Variants in EDA observed in about 807,000 individuals in gnomAD.
The protein encoded by EDA is ectodysplasin-A.
EDA carries 2 observed loss-of-function variants against 23.6 expected under a neutral mutation model. The observed-to-expected ratio is 0.08, with a 90% confidence interval of 0.03 to 0.27. The LOEUF is 0.27. Ranked by LOEUF, EDA falls within the 10% of genes least tolerant of loss-of-function variation. EDA has a pLI of 1.00. For missense variants in EDA, 229 were observed against 324.2 expected, an observed-to-expected ratio of 0.71 and a Z score of 2.26; for synonymous variants, 131 against 132.0, an observed-to-expected ratio of 0.99 and a Z score of 0.05.
chrX:69,946,431 T>C (rs1421863763), intron 1 of EDA, among the ~76,000 whole-genome samples: 1 of 111,725 alleles, frequency 9.0e-6, no homozygotes, highest in Admixed American at 9.5e-5. Flanking sequence ...ATGAGTCTAT[T>C]TGGACCATTG....
intron 1 of EDA, among the ~76,000 whole-genome samples, chrX:69,676,108 G>A (rs768064058): frequency 9.0e-6 from 1 of 111,470 alleles, no homozygotes; most frequent in South Asian, 3.8e-4. Context: ...GAGGTAAGAG[G>A]AGAGGAACAG....
chrX:69,855,633 G>A (rs1171067364), intron 1 of EDA, among the ~76,000 whole-genome samples: 2 of 110,980 alleles, frequency 1.8e-5, no homozygotes, highest in Non-Finnish European at 3.8e-5. Flanking sequence ...GTAGGTGTGC[G>A]GCCTTATTTC....
intron 1 of EDA, among the ~76,000 whole-genome samples, chrX:69,839,492 G>T (rs1166535677): frequency 1.8e-5 from 2 of 112,266 alleles, no homozygotes; most frequent in African/African-American, 6.5e-5. Flanking sequence ...CAGTCTAAAA[G>T]TATTGTCACA....
intron 1 of EDA, among the ~76,000 whole-genome samples, chrX:69,952,263 G>A (rs1242126739): frequency 9.0e-6 from 1 of 111,647 alleles, no homozygotes; most frequent in Admixed American, 9.5e-5. Context: ...CCTAAGACTG[G>A]GCAATTTAAA....
At chrX:69,987,311 T>TTA (rs2019513693) in intron 2 of EDA, among the ~76,000 whole-genome samples, 4 of 101,701 alleles carry the variant, frequency 3.9e-5, no homozygotes, top group African/African-American at 1.5e-4. Context: ...TTTTTTTTTT[T>TTA]AAAAATAAAT....
intron 1 of EDA, among the ~76,000 whole-genome samples, chrX:69,775,339 C>T (rs916823019): frequency 9.0e-6 from 1 of 111,644 alleles, no homozygotes; most frequent in African/African-American, 3.3e-5. Flanking sequence ...CCCTTCTGTA[C>T]CTATGCCAAT....
chrX:69,970,357 G>C (rs1448573381), intron 2 of EDA, among the ~76,000 whole-genome samples: 2 of 111,983 alleles, frequency 1.8e-5, no homozygotes, highest in African/African-American at 6.5e-5. Flanking sequence ...AAATTAAAAT[G>C]CCTAAACCAT....
chrX:69,899,241 T>C (rs1479031932), intron 1 of EDA, among the ~76,000 whole-genome samples: 1 of 111,811 alleles, frequency 8.9e-6, no homozygotes, highest in Admixed American at 9.6e-5. Flanking sequence ...ATGAGGTACA[T>C]CTGGTGGGCT....
intron 1 of EDA, among the ~76,000 whole-genome samples, chrX:69,915,174 T>G (rs1257464706): frequency 8.9e-6 from 1 of 112,122 alleles, no homozygotes; most frequent in East Asian, 2.8e-4. Flanking sequence ...TCATTAGGCC[T>G]TTCTTTTTGT....
chrX:69,827,957 C>T (rs2016498578), intron 1 of EDA, among the ~76,000 whole-genome samples: 1 of 110,734 alleles, frequency 9.0e-6, no homozygotes, highest in South Asian at 3.9e-4. Context: ...GAGTTCCTGG[C>T]CGTGTGAGGT....
chrX:69,651,185 T>C (rs1452598184), intron 1 of EDA, among the ~76,000 whole-genome samples: 1 of 111,727 alleles, frequency 9.0e-6, no homozygotes, highest in Non-Finnish European at 1.9e-5. Flanking sequence ...GAAGTTTGAA[T>C]TTTGACCTAA....
rs751380269 is a variant in EDA, at chrX:69,963,273, G to A, written c.502+6141G>A. On this transcript the variant is annotated intron_variant, in intron 2 of 7. Transcript: ENST00000374552. Reference sequence around the variant, plus strand: ...GTCAAAGAAAACAGACTTTCTGCCCGTACAAATGTTAGCTAGAATTAAGAA... The same window carrying A: ...GTCAAAGAAAACAGACTTTCTGCCCATACAAATGTTAGCTAGAATTAAGAA... Among the ~76,000 whole-genome samples the A allele has an allele frequency of 1.3e-4, 15 of 112,108 alleles. No homozygotes were observed. The East Asian group carries it at 1.7e-3, about 13-fold the overall frequency.
chrX:69,765,683 A>G (rs1211712780), intron 1 of EDA, among the ~76,000 whole-genome samples: 1 of 111,986 alleles, frequency 8.9e-6, no homozygotes, highest in Admixed American at 9.5e-5. Context: ...CCCTTCATTC[A>G]GTTTTCCCCA....
At chrX:69,776,103 T>C (rs1365389327) in intron 1 of EDA, among the ~76,000 whole-genome samples, 1 of 112,246 alleles carries the variant, frequency 8.9e-6, no homozygotes, top group Non-Finnish European at 1.9e-5. Context: ...TTTCTTTTGC[T>C]GTGCAGAAGC....
chrX:69,862,569 C>G, intron 1 of EDA, among the ~76,000 whole-genome samples: 1 of 111,142 alleles, frequency 9.0e-6, no homozygotes, highest in Non-Finnish European at 1.9e-5. Context: ...TTCAGCCTCC[C>G]CAGTAGCTAG....
At position 69,749,062 on chromosome X, in the gene EDA, A is replaced by G. The variant is rs1348045916; in HGVS notation, c.396+132358A>G. The stretch of plus-strand genomic sequence containing the variant: ...ACTAACTCGTCATCTAGCATTAGGT[A>G]TATCTCCCAGTGCTATCCCTCCCCC... On this transcript the variant is annotated intron_variant, in intron 1 of 7. Coordinates refer to ENST00000374552, the MANE Select transcript of EDA (RefSeq NM_001399.5). 4.5e-5 allele frequency among the ~76,000 whole-genome samples: 4 copies of G among 89,773 alleles called. No homozygotes were observed. The Admixed American group carries it at 4.9e-4, about 11-fold the overall frequency. 78.0% of individuals were successfully genotyped at this position (89,773 alleles called of 115,157 possible).
At chrX:69,842,504 G>T (rs772874733) in intron 1 of EDA, among the ~76,000 whole-genome samples, 2 of 112,125 alleles carry the variant, frequency 1.8e-5, no homozygotes, top group East Asian at 5.6e-4. Flanking sequence ...CCAGTCCCTG[G>T]TGCCAAAAAT....
intron 1 of EDA, among the ~76,000 whole-genome samples, chrX:69,859,281 G>A (rs1324514104): frequency 9.0e-6 from 1 of 110,748 alleles, no homozygotes; most frequent in African/African-American, 3.3e-5. Context: ...TAGCTTTGGG[G>A]TTTGTTTGTT....
At chrX:69,659,335 C>T (rs1006461242) in intron 1 of EDA, among the ~76,000 whole-genome samples, 2 of 112,162 alleles carry the variant, frequency 1.8e-5, no homozygotes, top group South Asian at 3.7e-4. Flanking sequence ...TACATTTGTA[C>T]AGGCAGTCCC....
Sources: allele counts gnomAD v4.1 joint callset (sites outside exome capture counted in the v4.1 genomes callset), GRCh38; gene constraint gnomAD v4.1.1; transcripts MANE v1.5; gene names NCBI Gene and HGNC (gene_info 2026-07-23, HGNC 2026-07-21).